NLGN1: variants seen among roughly 807,000 people sequenced by gnomAD.
The protein encoded by NLGN1 is neuroligin-1.
NLGN1 carries 12 observed loss-of-function variants against 65.5 expected under a neutral mutation model. The observed-to-expected ratio is 0.18, with a 90% confidence interval of 0.12 to 0.30. The LOEUF (loss-of-function observed/expected upper bound fraction) is 0.30, where lower values mean the gene tolerates loss of function less well. NLGN1 is among the 10% of genes least tolerant of loss of function. The pLI, the probability that NLGN1 is intolerant of heterozygous loss-of-function variation, is 1.00. For missense variants in NLGN1, 750 were observed against 1,007.1 expected, an observed-to-expected ratio of 0.74 and a Z score of 3.46; for synonymous variants, 350 against 359.5, an observed-to-expected ratio of 0.97 and a Z score of 0.30.
chr3:173,647,034 G>T (rs894100230), intron 3 of NLGN1, among the ~76,000 whole-genome samples: 3 of 152,064 alleles, frequency 2.0e-5, no homozygotes, highest in African/African-American at 2.4e-5. Flanking sequence ...AAGCCAGAAT[G>T]GCTATGTTAA....
Position 174,280,499 on chromosome 3 carries a change from C to A in NLGN1, c.1668C>A (p.Val556=). The change falls in exon 7 of 7, where the codon GTC becomes GTA. Residue 556 remains valine, a synonymous_variant. Transcript: ENST00000457714. This position sits in a 1 kb window ranked among gnomAD's most constrained non-coding sequence, Gnocchi z 4.9. ...TTCTTAGTGACCCAAATCAACCAGTCCCTCAAGACACGAAATTCATTCATA... is the reference window on the plus strand; with the variant it reads ...TTCTTAGTGACCCAAATCAACCAGTACCTCAAGACACGAAATTCATTCATA... 1 of 1,608,602 alleles carries A rather than the reference C, an allele frequency of 6.2e-7. No homozygotes were observed. The highest frequency in any genetic ancestry group is 8.5e-7 in the Non-Finnish European group (1 of 1,177,538).
In NLGN1 at chr3:174,138,128, A is replaced by C. The variant is rs146247523; in HGVS notation, c.647-137187A>C. The stretch of plus-strand genomic sequence containing the variant: ...ATAATGTTTTAGATGAACTGTTAAA[A>C]ACTTGGCATTGGGGTAAATAAATAG... On this transcript the variant is annotated intron_variant, in intron 4 of 6. Transcript: ENST00000457714. Among the ~76,000 whole-genome samples the C allele has an allele frequency of 5.5e-3, 831 of 152,304 alleles. 23 individuals carry two copies. The highest frequency in any genetic ancestry group is 0.016 in the East Asian group (83 of 5,180).
At chr3:174,292,951 C>T in the NLGN1 span, among the ~76,000 whole-genome samples, 5 of 151,136 alleles carry the variant, frequency 3.3e-5, no homozygotes, top group Non-Finnish European at 5.9e-5. Flanking sequence ...TAAATTATAC[C>T]ATGGATATGA....
At chr3:173,783,310 C>T (rs1174189860) in intron 3 of NLGN1, among the ~76,000 whole-genome samples, 3 of 152,182 alleles carry the variant, frequency 2.0e-5, no homozygotes, top group Non-Finnish European at 2.9e-5. Flanking sequence ...GCTGTGAAAA[C>T]ATTGGCTATA....
intron 4 of NLGN1, among the ~76,000 whole-genome samples, chr3:174,270,184 ATTT>A (rs10547987): frequency 0.022 from 2,805 of 127,862 alleles, 24 homozygotes; most frequent in Middle Eastern, 0.049. Flanking sequence ...TTATTTGTTT[ATTT>A]TTTTTTTTTT....
intron 2 of NLGN1, among the ~76,000 whole-genome samples, chr3:173,500,963 C>T (rs891922996): frequency 3.3e-5 from 5 of 152,088 alleles, no homozygotes; most frequent in Non-Finnish European, 7.4e-5. Context: ...ACGTTGCTTG[C>T]ACATGGTAGA....
intron 2 of NLGN1, among the ~76,000 whole-genome samples, chr3:173,487,688 C>G (rs1045733304): frequency 1.3e-5 from 2 of 151,928 alleles, no homozygotes; most frequent in African/African-American, 4.8e-5. Context: ...GTGAATTGTT[C>G]TGTGTATTAC....
chr3:174,207,036 C>T (rs531322597), intron 4 of NLGN1, among the ~76,000 whole-genome samples: 3 of 152,046 alleles, frequency 2.0e-5, no homozygotes, highest in African/African-American at 7.2e-5. Flanking sequence ...AGTAAAACAA[C>T]CCCGCCCAGC....
chr3:174,016,353 A>C (rs886493134), intron 4 of NLGN1, among the ~76,000 whole-genome samples: 2 of 152,224 alleles, frequency 1.3e-5, no homozygotes. Flanking sequence ...CACAGCAATC[A>C]TTACTCAGAC....
chr3:174,253,279 T>C (rs1745096328), intron 4 of NLGN1, among the ~76,000 whole-genome samples: 1 of 152,218 alleles, frequency 6.6e-6, no homozygotes, highest in Non-Finnish European at 1.5e-5. Context: ...ACTCACTCTT[T>C]ACAGTAAAGT....
chr3:173,997,240 A>C (rs958028846), intron 4 of NLGN1, among the ~76,000 whole-genome samples: 2 of 152,094 alleles, frequency 1.3e-5, no homozygotes, highest in South Asian at 2.1e-4. Flanking sequence ...ACTTCAGTAC[A>C]CTTTTGTGCA....
At chr3:174,164,672 T>A (rs1727177129) in intron 4 of NLGN1, among the ~76,000 whole-genome samples, 1 of 152,080 alleles carries the variant, frequency 6.6e-6, no homozygotes, top group Admixed American at 6.6e-5. Flanking sequence ...TGGTTGTAGG[T>A]GTGTGGTTTT....
At chr3:174,099,909 T>C (rs111565010) in intron 4 of NLGN1, among the ~76,000 whole-genome samples, 38 of 152,268 alleles carry the variant, frequency 2.5e-4, no homozygotes, top group African/African-American at 9.1e-4. Flanking sequence ...GCAGTTCTGA[T>C]GTGTTTTGCT....
intron 3 of NLGN1, among the ~76,000 whole-genome samples, chr3:173,730,161 G>T (rs1039842328): frequency 6.6e-6 from 1 of 150,962 alleles, no homozygotes; most frequent in Non-Finnish European, 1.5e-5. Context: ...CAATATACAT[G>T]ATTATATATA....
At chr3:174,209,736 G>A (rs1173418877) in intron 4 of NLGN1, among the ~76,000 whole-genome samples, 1 of 142,886 alleles carries the variant, frequency 7.0e-6, no homozygotes, top group African/African-American at 2.6e-5. Context: ...GGGTTCAAGT[G>A]ATTCTCCTGC....
chr3:173,617,933 C>G (rs1200422854), intron 3 of NLGN1, among the ~76,000 whole-genome samples: 1 of 151,854 alleles, frequency 6.6e-6, no homozygotes, highest in Non-Finnish European at 1.5e-5. Context: ...TTTCTTTTTT[C>G]CTTGTTTTAC....
At chr3:173,630,047 C>T (rs541375776) in intron 3 of NLGN1, among the ~76,000 whole-genome samples, 2 of 152,206 alleles carry the variant, frequency 1.3e-5, no homozygotes, top group South Asian at 4.1e-4. Context: ...GGGAAAAATG[C>T]TTGTCTTTAG....
At chr3:173,941,515 C>G (rs1280701274) in intron 4 of NLGN1, among the ~76,000 whole-genome samples, 1 of 151,956 alleles carries the variant, frequency 6.6e-6, no homozygotes, top group Non-Finnish European at 1.5e-5. Context: ...GCAATTGACT[C>G]AAAAGGTTGA....
rs535823666 is a variant in NLGN1, at chr3:173,515,431, TA to T, written c.-321+80354del. 9.2e-5 allele frequency among the ~76,000 whole-genome samples: 14 copies of T among 152,282 alleles called. No individual in the cohort carries two copies. In the South Asian group the frequency reaches 2.7e-3, roughly 29 times the overall value. On this transcript the variant is annotated intron_variant, in intron 2 of 6. Coordinates refer to ENST00000457714, the Ensembl canonical transcript of NLGN1. ...TTTGCAAAAGTTTCCTCTCATTATG[TA>T]GGTTGCTTTTTCACTCTATTGATCA...
Sources: allele counts gnomAD v4.1 joint callset (sites outside exome capture counted in the v4.1 genomes callset), GRCh38; gene constraint gnomAD v4.1.1; non-coding constraint Gnocchi (gnomAD v3.1); transcripts MANE v1.5; gene names NCBI Gene and HGNC (gene_info 2026-07-23, HGNC 2026-07-21).